The following LY86 variants were observed in gnomAD, a reference collection of about 807,000 sequenced individuals.
The protein encoded by LY86 is MD-1, RP105-associated.
In LY86, 20 loss-of-function variants were observed where a neutral mutation model predicts 17.3. The ratio of observed to expected loss-of-function variants is 1.15; its 90% CI spans 0.81 to 1.68. The LOEUF is 1.68. LY86 is among the 40% of genes most tolerant of loss of function. The probability of loss-of-function intolerance (pLI) is 0.00; values close to 1 mark genes in which losing one functional copy is unlikely to be tolerated. For synonymous variants in LY86, 74 were observed against 70.6 expected, an observed-to-expected ratio of 1.05 and a Z score of -0.24; for missense variants, 200 against 191.9, an observed-to-expected ratio of 1.04 and a Z score of -0.25.
chr6:6,621,680 A>G (rs11760009), intron 1 of LY86, among the ~76,000 whole-genome samples: 7,267 of 152,288 alleles, frequency 0.048, 253 homozygotes, highest in Non-Finnish European at 0.078. Flanking sequence ...GATATCCAAA[A>G]CAAAATGTCA....
intron 1 of LY86, among the ~76,000 whole-genome samples, chr6:6,605,369 TG>T (rs2113100717): frequency 6.6e-6 from 1 of 152,350 alleles, no homozygotes; most frequent in African/African-American, 2.4e-5. Context: ...TAGGCTTGGC[TG>T]GGGGAGCAGC....
intron 1 of LY86, among the ~76,000 whole-genome samples, chr6:6,598,528 C>T (rs1371725494): frequency 1.3e-5 from 2 of 152,216 alleles, no homozygotes; most frequent in Non-Finnish European, 2.9e-5. Flanking sequence ...TGATTCTGGG[C>T]TTGGTGGCCA....
intron 4 of LY86, among the ~76,000 whole-genome samples, chr6:6,654,315 C>A (rs1762229244): frequency 6.6e-6 from 1 of 152,316 alleles, no homozygotes. Context: ...GAGTTTTCTC[C>A]ATGACATGAG....
intron 3 of LY86, among the ~76,000 whole-genome samples, chr6:6,634,856 A>C (rs1271923659): frequency 6.6e-6 from 1 of 152,152 alleles, no homozygotes; most frequent in Admixed American, 6.5e-5. Flanking sequence ...GAGTGCTGGG[A>C]ATGCAATCTG....
intron 3 of LY86, among the ~76,000 whole-genome samples, chr6:6,637,899 C>T (rs751698854): frequency 1.3e-5 from 2 of 152,110 alleles, no homozygotes; most frequent in African/African-American, 4.8e-5. Flanking sequence ...TTTTGAATGT[C>T]GTATGAAGTA....
At chr6:6,612,299 C>T (rs554317923) in intron 1 of LY86, among the ~76,000 whole-genome samples, 11 of 152,302 alleles carry the variant, frequency 7.2e-5, no homozygotes, top group Admixed American at 2.6e-4. Flanking sequence ...GGGTTAGTGG[C>T]CTTGCTAACT....
At chr6:6,632,496 G>T (rs1287279338) in intron 3 of LY86, among the ~76,000 whole-genome samples, 2 of 152,182 alleles carry the variant, frequency 1.3e-5, no homozygotes, top group African/African-American at 4.8e-5. Flanking sequence ...GAGGCAGAGG[G>T]TTGGAGCATT....
At chr6:6,604,610 G>A (rs1761037062) in intron 1 of LY86, among the ~76,000 whole-genome samples, 1 of 152,112 alleles carries the variant, frequency 6.6e-6, no homozygotes, top group African/African-American at 2.4e-5. Flanking sequence ...GGCAATTTCT[G>A]AAGAAAAATG....
chr6:6,595,440 G>A, intron 1 of LY86, among the ~76,000 whole-genome samples: 1 of 148,186 alleles, frequency 6.7e-6, no homozygotes, highest in African/African-American at 2.5e-5. Flanking sequence ...GGGAGGAGGG[G>A]GGAGTGGAAA....
chr6:6,608,418 C>T (rs188040511), intron 1 of LY86, among the ~76,000 whole-genome samples: 1 of 152,340 alleles, frequency 6.6e-6, no homozygotes, highest in Admixed American at 6.5e-5. Flanking sequence ...GTATCGACTA[C>T]AATTGTGTCC....
At chr6:6,607,768 C>T (rs188666515) in intron 1 of LY86, among the ~76,000 whole-genome samples, 1 of 151,726 alleles carries the variant, frequency 6.6e-6, no homozygotes, top group Non-Finnish European at 1.5e-5. Flanking sequence ...GGCGTAGTGG[C>T]GGGTGCCTGT....
At chr6:6,601,107 C>T (rs958052077) in intron 1 of LY86, among the ~76,000 whole-genome samples, 19 of 152,150 alleles carry the variant, frequency 1.2e-4, no homozygotes, top group Non-Finnish European at 2.1e-4. Context: ...ATCAGGTATC[C>T]TAACAAAAAT....
intron 1 of LY86, among the ~76,000 whole-genome samples, chr6:6,623,627 A>T (rs1761725887): frequency 6.6e-6 from 1 of 152,192 alleles, no homozygotes; most frequent in Admixed American, 6.5e-5. Context: ...CCATTCACTC[A>T]ACATGTACAT....
At chr6:6,641,218 CA>C (rs1323257991) in intron 3 of LY86, among the ~76,000 whole-genome samples, 2 of 152,340 alleles carry the variant, frequency 1.3e-5, no homozygotes. Context: ...AATCCTCCAA[CA>C]AACGGCCATT....
chr6:6,644,778 A>G (rs1234724422), intron 3 of LY86, among the ~76,000 whole-genome samples: 1 of 152,204 alleles, frequency 6.6e-6, no homozygotes, highest in Non-Finnish European at 1.5e-5. Context: ...AAATGGGTGC[A>G]AATATACTGG....
intron 4 of LY86, among the ~76,000 whole-genome samples, chr6:6,652,375 CTCCTCCAGCTAAA>C (rs1386516481): frequency 6.6e-6 from 1 of 152,144 alleles, no homozygotes; most frequent in Non-Finnish European, 1.5e-5. Context: ...CCCATATCCC[CTCCTCCAGCTAAA>C]TCCTCCAGAG....
intron 1 of LY86, among the ~76,000 whole-genome samples, chr6:6,606,947 C>T (rs780711893): frequency 1.3e-5 from 2 of 152,252 alleles, no homozygotes; most frequent in African/African-American, 2.4e-5. Context: ...GCGCTGAGAG[C>T]GAGTGAGGGC....
At chr6:6,613,459 T>C (rs6904072) in intron 1 of LY86, among the ~76,000 whole-genome samples, 99,928 of 152,078 alleles carry the variant, frequency 0.66, 33,168 homozygotes, top group South Asian at 0.81. Flanking sequence ...CAAGGCCCGG[T>C]GAGAAATCGA....
chr6:6,590,502 T>TCTTGGATAA (rs1760491893), intron 1 of LY86, among the ~76,000 whole-genome samples: 1 of 151,922 alleles, frequency 6.6e-6, no homozygotes, highest in Non-Finnish European at 1.5e-5. Flanking sequence ...GAAAGTGAAA[T>TCTTGGATAA]CTTGGATAAG....
Sources: allele counts gnomAD v4.1 joint callset (sites outside exome capture counted in the v4.1 genomes callset), GRCh38; gene constraint gnomAD v4.1.1; transcripts MANE v1.5; gene names NCBI Gene and HGNC (gene_info 2026-07-23, HGNC 2026-07-21).